CSRNP3: variants seen among roughly 807,000 people sequenced by gnomAD.
CSRNP3 encodes the protein cysteine and serine rich nuclear protein 3.
In CSRNP3, 12 loss-of-function variants were observed where a neutral mutation model predicts 48.0. The observed-to-expected ratio is 0.25, with a 90% confidence interval of 0.16 to 0.41. The LOEUF is 0.41. Ranked by LOEUF, CSRNP3 falls within the 10% of genes least tolerant of loss-of-function variation. The pLI, the probability that CSRNP3 is intolerant of heterozygous loss-of-function variation, is 1.00. For synonymous variants in CSRNP3, 263 were observed against 269.7 expected (o/e 0.98, Z 0.24); for missense variants, 580 against 724.4 (o/e 0.80, Z 2.29).
chr2:165,518,596 T>G (rs368123666), intron 3 of CSRNP3, among the ~76,000 whole-genome samples: 1 of 152,000 alleles, frequency 6.6e-6, no homozygotes. Context: ...TGTACAATAT[T>G]CATTTAGAAG....
intron 2 of CSRNP3, among the ~76,000 whole-genome samples, chr2:165,509,469 C>T (rs569086042): frequency 6.6e-6 from 1 of 152,136 alleles, no homozygotes; most frequent in South Asian, 2.1e-4. Context: ...AAGGTGGTAG[C>T]TGTGGAGATG....
At chr2:165,568,357 A>T (rs556637821) in intron 3 of CSRNP3, among the ~76,000 whole-genome samples, 1 of 152,084 alleles carries the variant, frequency 6.6e-6, no homozygotes, top group Non-Finnish European at 1.5e-5. Context: ...AGCACCAGAC[A>T]TCCTCCTTCA....
chr2:165,564,258 TTGA>T (rs1685270594), intron 3 of CSRNP3, among the ~76,000 whole-genome samples: 1 of 152,082 alleles, frequency 6.6e-6, no homozygotes, highest in Non-Finnish European at 1.5e-5. Flanking sequence ...ATCAATTTCC[TTGA>T]TATCTAAAAG....
chr2:165,609,465 G>GA (rs34249194), intron 4 of CSRNP3, among the ~76,000 whole-genome samples: 20,673 of 97,222 alleles, frequency 0.21, 2,109 homozygotes, highest in South Asian at 0.33. Context: ...TCTAAAAAAA[G>GA]AAAAAAAAAA....
chr2:165,665,693 A>G (rs1687168789), intron 5 of CSRNP3, among the ~76,000 whole-genome samples: 1 of 151,018 alleles, frequency 6.6e-6, no homozygotes, highest in South Asian at 2.1e-4. Flanking sequence ...CCTGGAGTTC[A>G]AGGTTGCAGT....
rs566880393 is a variant in CSRNP3 at position 165,479,525 on chromosome 2, A to T, written c.-283+9785A>T. On this transcript the variant is annotated intron_variant, in intron 1 of 6. Transcript: ENST00000651982. Reference sequence around the variant, plus strand: ...GGCTATGGAGATTAAATGAGTTGATATATATTATACTAATTTTCTATTAAC... The same window carrying T: ...GGCTATGGAGATTAAATGAGTTGATTTATATTATACTAATTTTCTATTAAC... Among the ~76,000 whole-genome samples, 3 of 152,328 alleles carry T rather than the reference A, an allele frequency of 2.0e-5. No individual in the cohort carries two copies. In the East Asian group the frequency reaches 5.8e-4, roughly 29 times the overall value.
At chr2:165,550,831 A>G (rs1685086583) in intron 3 of CSRNP3, among the ~76,000 whole-genome samples, 1 of 152,150 alleles carries the variant, frequency 6.6e-6, no homozygotes, top group African/African-American at 2.4e-5. Context: ...TGGGCAAGGA[A>G]TGCTTTCAGA....
chr2:165,504,690 C>T (rs1684400772), intron 2 of CSRNP3, among the ~76,000 whole-genome samples: 1 of 151,978 alleles, frequency 6.6e-6, no homozygotes, highest in African/African-American at 2.4e-5. Flanking sequence ...CAATTCTGAT[C>T]GTTTAACCAA....
intron 4 of CSRNP3, among the ~76,000 whole-genome samples, chr2:165,648,130 C>T (rs373278278): frequency 1.3e-5 from 2 of 151,846 alleles, no homozygotes; most frequent in African/African-American, 2.4e-5. Context: ...AGTGATTTGT[C>T]GTGTAAGAAC....
intron 4 of CSRNP3, among the ~76,000 whole-genome samples, chr2:165,618,367 C>T (rs1331966544): frequency 6.6e-6 from 1 of 152,220 alleles, no homozygotes; most frequent in Non-Finnish European, 1.5e-5. Context: ...CTCCCTTAGA[C>T]ACTGTATTTG....
chr2:165,499,436 G>A (rs1012114353), intron 2 of CSRNP3, among the ~76,000 whole-genome samples: 4 of 152,090 alleles, frequency 2.6e-5, no homozygotes, highest in African/African-American at 9.7e-5. Context: ...GAGACAGTTG[G>A]TGCGATTTCT....
At chr2:165,546,334 A>G (rs560862757) in intron 3 of CSRNP3, among the ~76,000 whole-genome samples, 1 of 152,202 alleles carries the variant, frequency 6.6e-6, no homozygotes, top group South Asian at 2.1e-4. Flanking sequence ...CTAGGATTAC[A>G]GGCGCCCGCC....
chr2:165,608,252 C>A (rs1171119608), intron 4 of CSRNP3, among the ~76,000 whole-genome samples: 1 of 151,792 alleles, frequency 6.6e-6, no homozygotes, highest in Non-Finnish European at 1.5e-5. Context: ...AGTTTAAAAA[C>A]TAGATCTTAG....
intron 3 of CSRNP3, among the ~76,000 whole-genome samples, chr2:165,552,892 C>T (rs1685116220): frequency 6.6e-6 from 1 of 151,940 alleles, no homozygotes; most frequent in African/African-American, 2.4e-5. Flanking sequence ...CAGGGTTTCA[C>T]CATGTTGGCA....
At chr2:165,547,665 G>A (rs945968237) in intron 3 of CSRNP3, among the ~76,000 whole-genome samples, 1 of 151,914 alleles carries the variant, frequency 6.6e-6, no homozygotes, top group Admixed American at 6.6e-5. Flanking sequence ...TATTTCAGAG[G>A]ATACTCTAAT....
At chr2:165,480,021 G>A (rs2105447898) in intron 1 of CSRNP3, among the ~76,000 whole-genome samples, 1 of 152,226 alleles carries the variant, frequency 6.6e-6, no homozygotes, top group East Asian at 1.9e-4. Flanking sequence ...GCTCATTCTT[G>A]TTTTTGGCAG....
At chr2:165,595,863 C>T (rs572013027) in intron 4 of CSRNP3, among the ~76,000 whole-genome samples, 1 of 152,176 alleles carries the variant, frequency 6.6e-6, no homozygotes, top group Admixed American at 6.5e-5. Flanking sequence ...GTGGCATGAA[C>T]TTGGCTCACT....
chr2:165,622,225 A>T (rs1229791529), intron 4 of CSRNP3, among the ~76,000 whole-genome samples: 1 of 152,126 alleles, frequency 6.6e-6, no homozygotes, highest in African/African-American at 2.4e-5. Context: ...TCATAAATGT[A>T]TTGTTCATCA....
At position 165,684,881 on chromosome 2, in the gene CSRNP3, C is replaced by G. The variant is rs563404157; in HGVS notation, c.*5128C>G. ...AGCAGAGCTAAGCCAGATCTTATTACATCATAAAGACTAGAGTTACAAATG... is the reference window on the plus strand; with the variant it reads ...AGCAGAGCTAAGCCAGATCTTATTAGATCATAAAGACTAGAGTTACAAATG... On this transcript the variant is annotated 3_prime_UTR_variant, in exon 7 of 7. Coordinates refer to ENST00000651982, the MANE Select transcript of CSRNP3 (RefSeq NM_001172173.2). The G allele has an allele frequency of 7.2e-5, 11 of 152,050 alleles. No homozygotes were observed. The highest frequency in any genetic ancestry group is 2.6e-4 in the African/African-American group (11 of 41,522). 9.4% of individuals were successfully genotyped at this position (152,050 alleles called of 1,614,324 possible).
Sources: allele counts gnomAD v4.1 joint callset (sites outside exome capture counted in the v4.1 genomes callset), GRCh38; gene constraint gnomAD v4.1.1; transcripts MANE v1.5; gene names NCBI Gene and HGNC (gene_info 2026-07-23, HGNC 2026-07-21).